Variants in ZFYVE9 observed in about 807,000 individuals in gnomAD.
ZFYVE9 encodes zinc finger FYVE domain-containing protein 9.
In ZFYVE9, 43 loss-of-function variants were observed where a neutral mutation model predicts 126.7. The ratio of observed to expected loss-of-function variants is 0.34; its 90% CI spans 0.27 to 0.44. The LOEUF (loss-of-function observed/expected upper bound fraction) is 0.44. Among genes scored for constraint, ZFYVE9 ranks in the 20% least tolerant of loss-of-function variants. ZFYVE9 has a pLI of 1.00. For missense variants in ZFYVE9, 1,476 were observed against 1,697.0 expected, an observed-to-expected ratio of 0.87 and a Z score of 2.29; for synonymous variants, 521 against 597.4, an observed-to-expected ratio of 0.87 and a Z score of 1.87.
intron 17 of ZFYVE9, among the ~76,000 whole-genome samples, chr1:52,342,432 A>C (rs1039571195): frequency 2.8e-5 from 4 of 144,744 alleles, no homozygotes; most frequent in Non-Finnish European, 6.1e-5. Flanking sequence ...CGCCCGACTA[A>C]TTTTTTTTTT....
At chr1:52,336,109 G>A (rs894268911) in intron 15 of ZFYVE9, among the ~76,000 whole-genome samples, 1 of 151,748 alleles carries the variant, frequency 6.6e-6, no homozygotes, top group Non-Finnish European at 1.5e-5. Flanking sequence ...ACTCCAGCCT[G>A]GGCGACAGAG....
intron 1 of ZFYVE9, among the ~76,000 whole-genome samples, chr1:52,157,285 T>G (rs943803432): frequency 2.6e-5 from 4 of 151,858 alleles, no homozygotes; most frequent in African/African-American, 9.7e-5. Context: ...ATTGGTGCAA[T>G]CACCCTCAGC....
chr1:52,178,968 C>T (rs546107002), intron 1 of ZFYVE9, among the ~76,000 whole-genome samples: 2 of 152,178 alleles, frequency 1.3e-5, no homozygotes, highest in Admixed American at 1.3e-4. Flanking sequence ...CCATGCCTGG[C>T]TAATTTTTTT....
intron 2 of ZFYVE9, among the ~76,000 whole-genome samples, chr1:52,231,089 T>G (rs1041195089): frequency 6.6e-6 from 1 of 152,228 alleles, no homozygotes; most frequent in African/African-American, 2.4e-5. Flanking sequence ...TGTGTCAGAT[T>G]GTGTGTTGTG....
chr1:52,193,317 G>C (rs1644831759), intron 1 of ZFYVE9, among the ~76,000 whole-genome samples: 1 of 149,412 alleles, frequency 6.7e-6, no homozygotes, highest in South Asian at 2.1e-4. Context: ...TACCTGTTGA[G>C]TGAATGGATA....
intron 1 of ZFYVE9, among the ~76,000 whole-genome samples, chr1:52,164,513 C>G (rs1271748076): frequency 6.6e-6 from 1 of 152,014 alleles, no homozygotes. Flanking sequence ...TGCGCCAAGC[C>G]GACAATGAGT....
intron 6 of ZFYVE9, among the ~76,000 whole-genome samples, chr1:52,267,612 A>G (rs1333648918): frequency 1.3e-5 from 2 of 152,122 alleles, no homozygotes; most frequent in Non-Finnish European, 2.9e-5. Flanking sequence ...TTTGAAGATC[A>G]TAGACTTCTA....
intron 4 of ZFYVE9, among the ~76,000 whole-genome samples, chr1:52,246,292 A>G (rs1421440347): frequency 6.6e-6 from 1 of 152,218 alleles, no homozygotes; most frequent in Non-Finnish European, 1.5e-5. Flanking sequence ...GATGAAAAAT[A>G]TCTAACATTT....
chr1:52,342,537 C>CT (rs11327271), intron 17 of ZFYVE9, among the ~76,000 whole-genome samples: 28 of 127,468 alleles, frequency 2.2e-4, no homozygotes, highest in African/African-American at 4.7e-4. Context: ...CCCAAAGTGC[C>CT]TTTTTTTTTT....
chr1:52,257,258 C>T (rs1231255133), intron 4 of ZFYVE9, among the ~76,000 whole-genome samples: 2 of 152,130 alleles, frequency 1.3e-5, no homozygotes, highest in Non-Finnish European at 2.9e-5. Flanking sequence ...CATATAATTT[C>T]ATTTAATCTT....
At chr1:52,298,806 GTT>G (rs747544817) in intron 12 of ZFYVE9, among the ~76,000 whole-genome samples, 9 of 109,190 alleles carry the variant, frequency 8.2e-5, no homozygotes, top group African/African-American at 1.6e-4. Flanking sequence ...CTTTGTCAAT[GTT>G]TTTTTTTTTT....
rs1646056991 is a variant in ZFYVE9, at chr1:52,303,801, T to A, written c.3334-20T>A. ...CCATTGATGAATTAATTTATTCTGCTTCAATCTGCTTTGGCCCAGGACTTC... is the reference window on the plus strand; with the variant it reads ...CCATTGATGAATTAATTTATTCTGCATCAATCTGCTTTGGCCCAGGACTTC... On this transcript the variant is annotated intron_variant, in intron 12 of 18. Coordinates refer to ENST00000287727, the MANE Select transcript of ZFYVE9 (RefSeq NM_004799.4). 6.7e-7 allele frequency: 1 copy of A among 1,497,486 alleles called. No individual in the cohort carries two copies. The highest frequency in any genetic ancestry group is 1.4e-5 in the African/African-American group (1 of 70,940). 92.8% of individuals were successfully genotyped at this position (1,497,486 alleles called of 1,614,324 possible). A position where few individuals can be genotyped will look rare whatever the true frequency, so the allele number is the denominator to read the frequency against.
At chr1:52,273,931 A>G (rs11800750) in intron 7 of ZFYVE9, among the ~76,000 whole-genome samples, 5,310 of 152,058 alleles carry the variant, frequency 0.035, 336 homozygotes, top group African/African-American at 0.12. Context: ...GTGGAAAAAT[A>G]TTAACATATA....
At chr1:52,198,126 T>TG (rs1553123739) in intron 1 of ZFYVE9, among the ~76,000 whole-genome samples, 6,107 of 128,208 alleles carry the variant, frequency 0.048, 722 homozygotes, top group African/African-American at 0.17. Context: ...TTTTGTTTGT[T>TG]TTTTTTTTTT....
At chr1:52,245,560 A>G (rs578051851) in intron 4 of ZFYVE9, among the ~76,000 whole-genome samples, 1 of 152,348 alleles carries the variant, frequency 6.6e-6, no homozygotes, top group South Asian at 2.1e-4. Context: ...ACAAGTGACA[A>G]AATAGGCCTA....
At chr1:52,270,823 A>G (rs936533840) in intron 7 of ZFYVE9, among the ~76,000 whole-genome samples, 8 of 150,406 alleles carry the variant, frequency 5.3e-5, no homozygotes, top group Admixed American at 1.3e-4. Context: ...GACTAGTTTC[A>G]GATTAAACAT....
At chr1:52,311,153 C>T (rs1221330094) in intron 13 of ZFYVE9, among the ~76,000 whole-genome samples, 4 of 152,068 alleles carry the variant, frequency 2.6e-5, no homozygotes, top group African/African-American at 9.7e-5. Context: ...AAGCATGAGC[C>T]ACCATGTCTG....
chr1:52,246,747 G>T (rs1645389520), intron 4 of ZFYVE9, among the ~76,000 whole-genome samples: 1 of 126,930 alleles, frequency 7.9e-6, no homozygotes, highest in Non-Finnish European at 1.6e-5. Context: ...CTTGTTGCTT[G>T]CCCAGGCTGG....
intron 1 of ZFYVE9, chr1:52,162,879 G>T: frequency 2.0e-6 from 1 of 491,560 alleles, no homozygotes. Flanking sequence ...ATCGAGAATG[G>T]GATTCAGAGT....
Sources: gnomAD v4.1 joint callset for allele counts (sites outside exome capture counted in the v4.1 genomes callset) on GRCh38, gnomAD v4.1.1 for gene constraint, MANE v1.5 for transcripts, NCBI Gene and HGNC (gene_info 2026-07-23, HGNC 2026-07-21) for gene names.